PTPRG: variants seen among roughly 807,000 people sequenced by gnomAD.
PTPRG encodes protein tyrosine phosphatase receptor type G, also known as receptor-type tyrosine-protein phosphatase gamma.
In PTPRG, 102 loss-of-function variants were observed where a neutral mutation model predicts 165.3. The ratio of observed to expected loss-of-function variants is 0.62; its 90% CI spans 0.53 to 0.73. PTPRG has a LOEUF of 0.73. PTPRG is among the 30% of genes least tolerant of loss of function. The pLI, the probability that PTPRG is intolerant of heterozygous loss-of-function variation, is 0.00. For synonymous variants in PTPRG, 675 were observed against 669.5 expected, an observed-to-expected ratio of 1.01 and a Z score of -0.13; for missense variants, 1,866 against 1,861.4, an observed-to-expected ratio of 1.00 and a Z score of -0.05.
intron 2 of PTPRG, among the ~76,000 whole-genome samples, chr3:61,844,749 C>G (rs682580): frequency 6.6e-6 from 1 of 151,546 alleles, no homozygotes; most frequent in South Asian, 2.1e-4. Context: ...GCAGTCCTAC[C>G]GCCTTGGTCT....
chr3:62,195,578 C>G lies in PTPRG; in HGVS notation c.1327+408C>G, dbSNP rs1050198987. On this transcript the variant is annotated intron_variant, in intron 10 of 29. Transcript: ENST00000474889. The surrounding 1 kb of genome is among the most constrained non-coding windows in gnomAD (Gnocchi z 4.4). The stretch of plus-strand genomic sequence containing the variant: ...GCAGCCCATAGCAGCTACACCTCAC[C>G]CTTCCGACTTGCAAGCCACACAAAC... Among the ~76,000 whole-genome samples the G allele has an allele frequency of 2.6e-5, 4 of 152,030 alleles. No homozygotes were observed.
At chr3:61,707,769 TA>T (rs1304148779) in intron 1 of PTPRG, among the ~76,000 whole-genome samples, 1 of 152,144 alleles carries the variant, frequency 6.6e-6, no homozygotes, top group Non-Finnish European at 1.5e-5. Context: ...TATTTAAGGA[TA>T]TTTTTATTTT....
At chr3:61,970,311 T>C (rs926637155) in intron 2 of PTPRG, among the ~76,000 whole-genome samples, 2 of 152,212 alleles carry the variant, frequency 1.3e-5, no homozygotes, top group Non-Finnish European at 2.9e-5. Flanking sequence ...ATAAAGACCA[T>C]ACTTAAGGAA....
intron 1 of PTPRG, among the ~76,000 whole-genome samples, chr3:61,651,092 TTCA>T (rs1702338293): frequency 6.6e-6 from 1 of 152,118 alleles, no homozygotes; most frequent in Non-Finnish European, 1.5e-5. Context: ...TAGAACCCTG[TTCA>T]TCAACCTCAA....
chr3:62,277,118 G>A, intron 25 of PTPRG, 70 bp downstream of exon 25: 1 of 1,129,544 alleles, frequency 8.9e-7, no homozygotes, highest in Admixed American at 2.0e-5. Context: ...GATACCACCT[G>A]TGTGACTGAT....
At chr3:62,122,029 C>A (rs1458929400) in intron 5 of PTPRG, among the ~76,000 whole-genome samples, 1 of 152,166 alleles carries the variant, frequency 6.6e-6, no homozygotes, top group Non-Finnish European at 1.5e-5. Context: ...TCTATGTCCT[C>A]CTCGAGATGG....
chr3:61,683,162 G>C (rs1276745436), intron 1 of PTPRG, among the ~76,000 whole-genome samples: 1 of 152,210 alleles, frequency 6.6e-6, no homozygotes, highest in African/African-American at 2.4e-5. Flanking sequence ...TTTCCATAAA[G>C]TTGAATTGCT....
chr3:61,660,729 C>T (rs1048911502), intron 1 of PTPRG, among the ~76,000 whole-genome samples: 2 of 152,106 alleles, frequency 1.3e-5, no homozygotes, highest in Admixed American at 1.3e-4. Context: ...TGACTGGATG[C>T]GTTGGCTCAC....
At chr3:61,682,685 G>C (rs1703492185) in intron 1 of PTPRG, among the ~76,000 whole-genome samples, 1 of 152,048 alleles carries the variant, frequency 6.6e-6, no homozygotes, top group African/African-American at 2.4e-5. Context: ...GAACTTCCTT[G>C]CCCAGCTTTC....
At chr3:61,873,168 C>T (rs532613100) in intron 2 of PTPRG, among the ~76,000 whole-genome samples, 7 of 152,146 alleles carry the variant, frequency 4.6e-5, no homozygotes, top group African/African-American at 1.7e-4. Flanking sequence ...AATTTTGATA[C>T]ATGTAACCTG....
At chr3:61,677,017 C>A (rs1043037961) in intron 1 of PTPRG, among the ~76,000 whole-genome samples, 2 of 151,970 alleles carry the variant, frequency 1.3e-5, no homozygotes, top group Non-Finnish European at 2.9e-5. Context: ...GAGGCTGAGG[C>A]GGGTGGATCA....
intron 2 of PTPRG, among the ~76,000 whole-genome samples, chr3:61,930,040 A>AT (rs11437496): frequency 0.16 from 21,944 of 136,976 alleles, 1,662 homozygotes; most frequent in South Asian, 0.26. Flanking sequence ...ATAATGCGGT[A>AT]TTTTTTTTTT....
At chr3:62,006,465 TCATATAACTACATTGTTTTC>T (rs1378101358) in intron 4 of PTPRG, among the ~76,000 whole-genome samples, 1 of 152,220 alleles carries the variant, frequency 6.6e-6, no homozygotes, top group African/African-American at 2.4e-5. Flanking sequence ...TTATTTCTTT[TCATATAACTACATTGTTTTC>T]CATATAACTA....
chr3:62,000,940 T>C (rs1346945946), intron 3 of PTPRG, among the ~76,000 whole-genome samples: 5 of 152,202 alleles, frequency 3.3e-5, no homozygotes, highest in Non-Finnish European at 5.9e-5. Context: ...CTGCAGTAAT[T>C]ATCACCATTT....
intron 2 of PTPRG, among the ~76,000 whole-genome samples, chr3:61,932,572 T>C (rs1278437462): frequency 3.3e-5 from 5 of 152,228 alleles, no homozygotes; most frequent in Non-Finnish European, 2.9e-5. Flanking sequence ...GTTTTCATGC[T>C]TTCATTTGCA....
chr3:62,039,724 G>A (rs1168631113), intron 4 of PTPRG, among the ~76,000 whole-genome samples: 4 of 152,150 alleles, frequency 2.6e-5, no homozygotes, highest in African/African-American at 9.7e-5. Context: ...GCGATGTAGC[G>A]ACTCCTGCAG....
At chr3:61,610,297 A>T (rs892136004) in intron 1 of PTPRG, among the ~76,000 whole-genome samples, 1 of 152,110 alleles carries the variant, frequency 6.6e-6, no homozygotes, top group Admixed American at 6.6e-5. Context: ...ATAGTCAAAA[A>T]TAACAGTAAT....
chr3:62,035,861 T>A (rs1269849617), intron 4 of PTPRG, among the ~76,000 whole-genome samples: 1 of 152,182 alleles, frequency 6.6e-6, no homozygotes, highest in Non-Finnish European at 1.5e-5. Context: ...TGCTGGATAA[T>A]ACCTAAGCCT....
intron 2 of PTPRG, among the ~76,000 whole-genome samples, chr3:61,897,058 G>A (rs2038375158): frequency 6.6e-6 from 1 of 151,650 alleles, no homozygotes; most frequent in East Asian, 1.9e-4. Flanking sequence ...GTCTTTATGA[G>A]CTTTCTTGGC....
Sources: gnomAD v4.1 joint callset for allele counts (sites outside exome capture counted in the v4.1 genomes callset) on GRCh38, gnomAD v4.1.1 for gene constraint, Gnocchi (gnomAD v3.1) non-coding constraint, MANE v1.5 for transcripts, NCBI Gene and HGNC (gene_info 2026-07-23, HGNC 2026-07-21) for gene names.